Variants in CAMTA1 observed in about 807,000 individuals in gnomAD.
The protein encoded by CAMTA1 is calmodulin binding transcription activator 1, also known as calmodulin-binding transcription activator 1.
A neutral mutation model predicts 170.9 loss-of-function variants in CAMTA1; 27 were observed. That is an observed-to-expected ratio of 0.16 (90% CI 0.12 to 0.22). The LOEUF (loss-of-function observed/expected upper bound fraction) is 0.22. Ranked by LOEUF, CAMTA1 falls within the 10% of genes least tolerant of loss-of-function variation. CAMTA1 has a pLI of 1.00. For synonymous variants in CAMTA1, 833 were observed against 891.5 expected (o/e 0.93, Z 1.17); for missense variants, 1,619 against 2,217.2 (o/e 0.73, Z 5.42).
At chr1:7,591,596 G>A (rs1045490820) in intron 6 of CAMTA1, among the ~76,000 whole-genome samples, 1 of 152,184 alleles carries the variant, frequency 6.6e-6, no homozygotes, top group Non-Finnish European at 1.5e-5. Flanking sequence ...TAACAAGAGG[G>A]AAACCCTCCC....
chr1:7,620,013 C>G (rs2095586783), intron 6 of CAMTA1, among the ~76,000 whole-genome samples: 1 of 152,162 alleles, frequency 6.6e-6, no homozygotes, highest in Non-Finnish European at 1.5e-5. Flanking sequence ...GCAAAAGTAA[C>G]AAGAAAATGG....
chr1:6,950,710 C>A (rs1034627380), intron 3 of CAMTA1, among the ~76,000 whole-genome samples: 2 of 151,250 alleles, frequency 1.3e-5, no homozygotes, highest in African/African-American at 4.9e-5. Flanking sequence ...TCCCATGCAC[C>A]CCCACCCCCC....
chr1:6,950,762 G>A (rs1688348204), intron 3 of CAMTA1, among the ~76,000 whole-genome samples: 2 of 137,436 alleles, frequency 1.5e-5, no homozygotes, highest in South Asian at 2.3e-4. Context: ...GAGCACTCCC[G>A]TCATGTACCA....
chr1:7,290,784 CAT>C (rs1222230022), intron 5 of CAMTA1, among the ~76,000 whole-genome samples: 9 of 152,106 alleles, frequency 5.9e-5, no homozygotes, highest in Non-Finnish European at 8.8e-5. Context: ...AGATGACAGT[CAT>C]AGAATGAAAC....
chr1:7,169,304 TAA>T (rs991429150), intron 4 of CAMTA1, among the ~76,000 whole-genome samples: 8 of 152,228 alleles, frequency 5.3e-5, no homozygotes, highest in Non-Finnish European at 1.0e-4. Flanking sequence ...GGCCATGGAA[TAA>T]TTATGCTGTG....
At chr1:6,969,600 G>T (rs1055076465) in intron 3 of CAMTA1, among the ~76,000 whole-genome samples, 1 of 152,160 alleles carries the variant, frequency 6.6e-6, no homozygotes, top group Non-Finnish European at 1.5e-5. Context: ...CACTTTTCCT[G>T]CCTCAGCTTC....
At position 7,588,275 on chromosome 1, in the gene CAMTA1, C is replaced by T. The variant is rs577010906; in HGVS notation, c.511-52125C>T. 7.3e-5 allele frequency among the ~76,000 whole-genome samples: 11 copies of T among 151,298 alleles called. No homozygotes were observed. Among genetic ancestry groups the T allele is most frequent in the Non-Finnish European group, 1.0e-4 (7 of 68,050 alleles). On this transcript the variant is annotated intron_variant, in intron 6 of 22. Transcript: ENST00000303635. The surrounding 1 kb of genome is among the most constrained non-coding windows in gnomAD (Gnocchi z 5.8). ...CAGTTCTCACTGCCTCTGACACCCA[C>T]GCTGGTGTGGCCCTGCTGGGGACCC... is the stretch of plus-strand genomic sequence containing the variant.
Position 6,838,375 on chromosome 1 carries a change from G to T in CAMTA1, c.234+13165G>T, listed in dbSNP as rs541564234. 1.9e-3 allele frequency among the ~76,000 whole-genome samples: 295 copies of T among 152,270 alleles called. 1 individual carries two copies. Among genetic ancestry groups the T allele is most frequent in the African/African-American group, 6.6e-3 (276 of 41,566 alleles). On this transcript the variant is annotated intron_variant, in intron 3 of 22. Coordinates refer to ENST00000303635, the MANE Select transcript of CAMTA1 (RefSeq NM_015215.4). ...CTTAATCTCAGACTCATCAGTCAGG[G>T]AATTCACTCCTGTCTAAGGGGCGAG...
At chr1:7,194,368 A>G (rs933967579) in intron 4 of CAMTA1, among the ~76,000 whole-genome samples, 1 of 152,202 alleles carries the variant, frequency 6.6e-6, no homozygotes, top group African/African-American at 2.4e-5. Context: ...ACATCTACAC[A>G]GAGGATATGT....
At chr1:7,446,911 G>A (rs1210974736) in intron 5 of CAMTA1, among the ~76,000 whole-genome samples, 1 of 152,200 alleles carries the variant, frequency 6.6e-6, no homozygotes, top group Non-Finnish European at 1.5e-5. Flanking sequence ...ACAGCTTTCA[G>A]TGGGCAGGAC....
intron 22 of CAMTA1, among the ~76,000 whole-genome samples, chr1:7,764,821 G>T (rs954616003): frequency 2.0e-5 from 3 of 152,018 alleles, no homozygotes; most frequent in Non-Finnish European, 4.4e-5. Context: ...TTAGCTAGGC[G>T]TGGTGGTGCG....
chr1:6,824,104 C>G (rs1210467789), intron 2 of CAMTA1, among the ~76,000 whole-genome samples: 3 of 152,134 alleles, frequency 2.0e-5, no homozygotes, highest in Non-Finnish European at 2.9e-5. Context: ...CTGTGACTTA[C>G]TGGAGCAAAT....
At chr1:7,298,436 C>A (rs1023438074) in intron 5 of CAMTA1, among the ~76,000 whole-genome samples, 1 of 152,168 alleles carries the variant, frequency 6.6e-6, no homozygotes, top group African/African-American at 2.4e-5. Context: ...GTATCTTTTT[C>A]TTGGCCATGA....
intron 6 of CAMTA1, among the ~76,000 whole-genome samples, chr1:7,556,632 C>T (rs2094882024): frequency 1.3e-5 from 2 of 152,156 alleles, no homozygotes; most frequent in African/African-American, 4.8e-5. Context: ...AAACCTTGTG[C>T]CCCACCCCAC....
intron 5 of CAMTA1, among the ~76,000 whole-genome samples, chr1:7,404,901 AGG>A (rs2090179117): frequency 6.6e-6 from 1 of 152,094 alleles, no homozygotes; most frequent in Non-Finnish European, 1.5e-5. Flanking sequence ...AGAAAATAAA[AGG>A]GTCTTTTTTT....
At position 7,579,552 on chromosome 1, in the gene CAMTA1, C is replaced by CTTTTTTTTTTTTTTT. The variant is rs3034816; in HGVS notation, c.511-60837_511-60823dup. The stretch of plus-strand genomic sequence containing the variant: ...GGTCCACTTTCTTTTCTTTTCTTTT[C>CTTTTTTTTTTTTTTT]TTTTTTTTTTTTTTTTTTTTTTTTT... On this transcript the variant is annotated intron_variant, in intron 6 of 22. Transcript: ENST00000303635. Among the ~76,000 whole-genome samples the CTTTTTTTTTTTTTTT allele has an allele frequency of 3.5e-3, 279 of 79,174 alleles. 3 individuals carry two copies. The highest frequency in any genetic ancestry group is 4.0e-3 in the Non-Finnish European group (178 of 44,138). The allele number at this position is 79,174 out of a possible 152,430, so 51.9% of individuals were successfully genotyped here.
intron 5 of CAMTA1, among the ~76,000 whole-genome samples, chr1:7,417,574 C>T (rs960170236): frequency 1.3e-5 from 2 of 152,236 alleles, no homozygotes; most frequent in East Asian, 3.9e-4. Flanking sequence ...ACCCTCTGAG[C>T]CAGGTGTGGG....
chr1:7,714,372 G>A lies in CAMTA1; in HGVS notation c.2915-18076G>A, dbSNP rs55792006. Among the ~76,000 whole-genome samples, 976 of 152,254 alleles carry A rather than the reference G, an allele frequency of 6.4e-3. 8 individuals carry two copies. The highest frequency in any genetic ancestry group is 0.021 in the African/African-American group (875 of 41,532). On this transcript the variant is annotated intron_variant, in intron 11 of 22. Coordinates refer to ENST00000303635, the MANE Select transcript of CAMTA1 (RefSeq NM_015215.4). Reference sequence around the variant, plus strand: ...TTTAAGCCAATTCATCAGAGCATCCGAGAGCTGTGAAGTTGGACCACATTG... The same window carrying A: ...TTTAAGCCAATTCATCAGAGCATCCAAGAGCTGTGAAGTTGGACCACATTG...
intron 5 of CAMTA1, among the ~76,000 whole-genome samples, chr1:7,399,651 G>T (rs974460228): frequency 3.8e-4 from 58 of 152,196 alleles, no homozygotes; most frequent in African/African-American, 1.3e-3. Context: ...AGTATTTCTT[G>T]TGAGGTTGGT....
Sources: gnomAD v4.1 joint callset for allele counts (sites outside exome capture counted in the v4.1 genomes callset) on GRCh38, gnomAD v4.1.1 for gene constraint, Gnocchi (gnomAD v3.1) non-coding constraint, MANE v1.5 for transcripts, NCBI Gene and HGNC (gene_info 2026-07-23, HGNC 2026-07-21) for gene names.